CACNA1H: variants seen among roughly 807,000 people sequenced by gnomAD.
The protein encoded by CACNA1H is voltage-dependent T-type calcium channel subunit alpha-1H.
In CACNA1H, 149 loss-of-function variants were observed where a neutral mutation model predicts 192.5. The observed-to-expected ratio is 0.77, with a 90% CI of 0.68 to 0.89. CACNA1H has a LOEUF of 0.89. Among genes scored for constraint, CACNA1H ranks in the 40% least tolerant of loss-of-function variants. The probability of loss-of-function intolerance (pLI) is 0.00; values close to 1 mark genes in which losing one functional copy is unlikely to be tolerated. For missense variants in CACNA1H, 4,257 were observed against 3,423.5 expected (o/e 1.24, Z -6.08); for synonymous variants, 2,202 against 1,475.2 (o/e 1.49, Z -11.29).
intron 2 of CACNA1H, among the ~76,000 whole-genome samples, chr16:1,182,364 G>A (rs947210540): frequency 2.6e-5 from 4 of 152,164 alleles, no homozygotes; most frequent in Admixed American, 1.3e-4. Flanking sequence ...GGAGTGAGCC[G>A]TCCACTCATG....
rs1291665305 is a variant in CACNA1H, at chr16:1,153,566, A to AGG, written c.-19+98_-19+99dup. On this transcript the variant is annotated intron_variant, in intron 1 of 34. Coordinates refer to ENST00000348261, the MANE Select transcript of CACNA1H (RefSeq NM_021098.3). ...GGGTGGGGGTGGGGCCGCTGGAGGG[A>AGG]GGGAGGGGGCGGGCGGGGGCGGGGG... 9.8e-5 allele frequency: 21 copies of AGG among 214,764 alleles called. No individual in the cohort carries two copies. In the East Asian group the frequency reaches 1.4e-3, roughly 14 times the overall value. The allele number at this position is 214,764 out of a possible 1,614,324, so 13.3% of individuals were successfully genotyped here. A position where few individuals can be genotyped will look rare whatever the true frequency, so the allele number is the denominator to read the frequency against.
intron 2 of CACNA1H, among the ~76,000 whole-genome samples, chr16:1,161,256 C>T (rs1337406913): frequency 2.0e-5 from 3 of 152,200 alleles, no homozygotes; most frequent in South Asian, 2.1e-4. Flanking sequence ...CGTTAGGTGA[C>T]ACGGGATGTT....
chr16:1,211,453 C>T lies in CACNA1H; in HGVS notation c.4351-28C>T, dbSNP rs1014636341. 45 of 1,612,048 alleles carry T rather than the reference C, an allele frequency of 2.8e-5. 1 individual carries two copies. Among genetic ancestry groups the T allele is most frequent in the Non-Finnish European group, 3.6e-5 (43 of 1,179,538 alleles). On this transcript the variant is annotated intron_variant, in intron 22 of 34. Coordinates refer to ENST00000348261, the MANE Select transcript of CACNA1H (RefSeq NM_021098.3). ...TGTGGGGTGGGGCACAGGCCAGGCCCTCCGCGGTGACCGTCGCACCCCGTC... is the reference window on the plus strand; with the variant it reads ...TGTGGGGTGGGGCACAGGCCAGGCCTTCCGCGGTGACCGTCGCACCCCGTC...
chr16:1,160,737 C>T (rs561023232), intron 2 of CACNA1H, among the ~76,000 whole-genome samples: 1 of 152,284 alleles, frequency 6.6e-6, no homozygotes. Context: ...TGAATGTGCT[C>T]CACGAGGCCT....
intron 2 of CACNA1H, among the ~76,000 whole-genome samples, chr16:1,177,397 G>A (rs1964997837): frequency 6.6e-6 from 1 of 152,226 alleles, no homozygotes; most frequent in Non-Finnish European, 1.5e-5. Flanking sequence ...ACGGTGCGGG[G>A]ACGGCGTCTG....
intron 16 of CACNA1H, among the ~76,000 whole-genome samples, chr16:1,208,760 C>A (rs749667773): frequency 5.3e-5 from 8 of 152,150 alleles, no homozygotes; most frequent in Non-Finnish European, 1.0e-4. Flanking sequence ...ACACGGGGGC[C>A]ACCCACACTT....
intron 27 of CACNA1H, among the ~76,000 whole-genome samples, 166 bp downstream of exon 27, chr16:1,214,097 C>T (rs941117149): frequency 1.3e-5 from 2 of 152,190 alleles, no homozygotes; most frequent in Non-Finnish European, 2.9e-5. Context: ...TTGATTGAAA[C>T]TCCCCTCCCC....
At chr16:1,177,127 C>T (rs1340373721) in intron 2 of CACNA1H, among the ~76,000 whole-genome samples, 1 of 152,200 alleles carries the variant, frequency 6.6e-6, no homozygotes, top group Non-Finnish European at 1.5e-5. Context: ...CTGTCCTGGG[C>T]GGCCCTTTTT....
rs148594180 is a variant in CACNA1H, at chr16:1,166,905, A to G, written c.299+12869A>G. ...CCGTCCCTGCTCCAGGTTCGGGGGAAACCCTGGCTTCGTGTCTCTTGGACG... is the reference window on the plus strand; with the variant it reads ...CCGTCCCTGCTCCAGGTTCGGGGGAGACCCTGGCTTCGTGTCTCTTGGACG... On this transcript the variant is annotated intron_variant, in intron 2 of 34. Coordinates refer to ENST00000348261, the MANE Select transcript of CACNA1H (RefSeq NM_021098.3). Among the ~76,000 whole-genome samples the G allele has an allele frequency of 1.7e-4, 26 of 152,288 alleles. No individual in the cohort carries two copies. In the East Asian group the frequency reaches 5.0e-3, roughly 29 times the overall value.
In CACNA1H at chr16:1,218,532, G is replaced by A; in HGVS notation, c.5768G>A (p.Arg1923Lys). 6.4e-7 allele frequency: 1 copy of A among 1,556,476 alleles called. No individual in the cohort carries two copies. The highest frequency in any genetic ancestry group is 8.7e-7 in the Non-Finnish European group (1 of 1,150,526). ...NLVARKVSVSRMLSLPNDSYM... is the reference protein window; with the variant it reads ...NLVARKVSVSKMLSLPNDSYM... Reference sequence around the variant, plus strand: ...GTTGCACGCAAGGTGTCCGTGTCCAGGATGCTCTCGCTGCCCAACGACAGC... The same window carrying A: ...GTTGCACGCAAGGTGTCCGTGTCCAAGATGCTCTCGCTGCCCAACGACAGC... The change falls in exon 33 of 35, where the codon AGG becomes AAG. Residue 1923 changes from arginine to lysine, a missense_variant. Coordinates refer to ENST00000348261, the MANE Select transcript of CACNA1H (RefSeq NM_021098.3).
chr16:1,169,640 C>T (rs755871221), intron 2 of CACNA1H, among the ~76,000 whole-genome samples: 30 of 152,250 alleles, frequency 2.0e-4, no homozygotes, highest in Non-Finnish European at 4.4e-4. Flanking sequence ...GTGCTTCCCT[C>T]GGAGATCAGG....
At chr16:1,216,223 C>A (rs563825421) in intron 30 of CACNA1H, among the ~76,000 whole-genome samples, 2 of 152,212 alleles carry the variant, frequency 1.3e-5, no homozygotes, top group African/African-American at 2.4e-5. Flanking sequence ...TGTCACTTGC[C>A]CCCTGCCTGT....
rs1227947079 is a variant in CACNA1H, at chr16:1,210,310, C to G, written c.3846-60C>G. The G allele has an allele frequency of 1.5e-5, 21 of 1,431,744 alleles. No individual in the cohort carries two copies. In the Admixed American group the frequency reaches 2.8e-4, roughly 19 times the overall value. The allele number at this position is 1,431,744 out of a possible 1,614,324, so 88.7% of individuals were successfully genotyped here. On this transcript the variant is annotated intron_variant, in intron 18 of 34. Coordinates refer to ENST00000348261, the MANE Select transcript of CACNA1H (RefSeq NM_021098.3). Reference sequence around the variant, plus strand: ...CGTGGCCAGGGCTGTCCTGCAACCCCCATCCACTCTGCCATCCACGCCGCC... The same window carrying G: ...CGTGGCCAGGGCTGTCCTGCAACCCGCATCCACTCTGCCATCCACGCCGCC...
intron 16 of CACNA1H, among the ~76,000 whole-genome samples, 156 bp from the exon 17 acceptor site, chr16:1,208,876 G>A (rs1034588638): frequency 2.6e-5 from 4 of 152,300 alleles, no homozygotes; most frequent in Middle Eastern, 3.4e-3. Flanking sequence ...TGGCTGGCTC[G>A]GTGTCCCCCT....
At chr16:1,158,900 C>T (rs1283910736) in intron 2 of CACNA1H, among the ~76,000 whole-genome samples, 1 of 151,980 alleles carries the variant, frequency 6.6e-6, no homozygotes, top group Non-Finnish European at 1.5e-5. Flanking sequence ...CAGCCCGCAC[C>T]CCTGGCCCCG....
intron 25 of CACNA1H, 93 bp from the exon 26 acceptor site, chr16:1,212,418 C>T (rs907284648): frequency 1.5e-6 from 2 of 1,333,690 alleles, no homozygotes; most frequent in African/African-American, 1.5e-5. Flanking sequence ...CCAGCACAGC[C>T]CCCGAGACAC....
intron 2 of CACNA1H, among the ~76,000 whole-genome samples, chr16:1,182,746 G>T (rs1250353431): frequency 1.3e-5 from 2 of 152,154 alleles, no homozygotes; most frequent in Admixed American, 6.5e-5. Context: ...ACAGAGGCCA[G>T]GAGAGCTCGC....
intron 2 of CACNA1H, among the ~76,000 whole-genome samples, chr16:1,185,566 A>C (rs1965914835): frequency 1.1e-4 from 3 of 26,826 alleles, no homozygotes; most frequent in East Asian, 1.0e-3. Context: ...CTAGTGGGGC[A>C]CGGGGGTCCA....
intron 2 of CACNA1H, among the ~76,000 whole-genome samples, chr16:1,161,096 C>T (rs982479067): frequency 1.3e-5 from 2 of 152,206 alleles, no homozygotes; most frequent in South Asian, 2.1e-4. Flanking sequence ...GCTTTGATGT[C>T]TGCAGAACTG....
Sources: gnomAD v4.1 joint callset for allele counts (sites outside exome capture counted in the v4.1 genomes callset) on GRCh38, gnomAD v4.1.1 for gene constraint, MANE v1.5 for transcripts, NCBI Gene and HGNC (gene_info 2026-07-23, HGNC 2026-07-21) for gene names.